The following RHOJ variants were observed in gnomAD, a reference collection of about 807,000 sequenced individuals.
The protein encoded by RHOJ is rho-related GTP-binding protein RhoJ.
A neutral mutation model predicts 23.4 loss-of-function variants in RHOJ; 11 were observed. The observed-to-expected ratio is 0.47, with a 90% CI of 0.30 to 0.78. The LOEUF (loss-of-function observed/expected upper bound fraction) is 0.78, where lower values mean the gene tolerates loss of function less well. Among genes scored for constraint, RHOJ ranks in the 30% least tolerant of loss-of-function variants. The pLI is 0.08. For missense variants in RHOJ, 254 were observed against 273.4 expected, an observed-to-expected ratio of 0.93 and a Z score of 0.50; for synonymous variants, 102 against 102.7, an observed-to-expected ratio of 0.99 and a Z score of 0.04.
intron 2 of RHOJ, among the ~76,000 whole-genome samples, chr14:63,278,292 C>T (rs1361003003): frequency 6.6e-6 from 1 of 152,164 alleles, no homozygotes. Flanking sequence ...GTTCTGCATA[C>T]TCTGAGTAGC....
chr14:63,240,259 G>A (rs1300977550), intron 1 of RHOJ, among the ~76,000 whole-genome samples: 1 of 152,164 alleles, frequency 6.6e-6, no homozygotes, highest in Non-Finnish European at 1.5e-5. Context: ...AAGTGTAGTT[G>A]TATCTACAAG....
At chr14:63,258,019 G>C (rs1022333919) in intron 1 of RHOJ, among the ~76,000 whole-genome samples, 13 of 149,492 alleles carry the variant, frequency 8.7e-5, no homozygotes, top group Non-Finnish European at 1.8e-4. Context: ...CTGAGGTCAG[G>C]AGTTCAAGAC....
At chr14:63,284,888 C>T (rs1339968338) in intron 4 of RHOJ, among the ~76,000 whole-genome samples, 1 of 152,092 alleles carries the variant, frequency 6.6e-6, no homozygotes, top group African/African-American at 2.4e-5. Context: ...TCGTTTCATA[C>T]TTATTTTTGG....
rs1182478230 is a variant in RHOJ at position 63,281,209 on chromosome 14, C to G, written c.402+74C>G. The G allele has an allele frequency of 3.6e-6, 5 of 1,406,892 alleles. No individual in the cohort carries two copies. The African/African-American group carries it at 7.2e-5, about 20-fold the overall frequency. 87.2% of individuals were successfully genotyped at this position (1,406,892 alleles called of 1,614,324 possible). A position where few individuals can be genotyped will look rare whatever the true frequency, so the allele number is the denominator to read the frequency against. On this transcript the variant is annotated intron_variant, in intron 3 of 4. Coordinates refer to ENST00000316754, the MANE Select transcript of RHOJ (RefSeq NM_020663.5). ...GACCCTTTAGGTACCTCGTGAACAT[C>G]CTATTCTGCCAAACGCTATGGAAGT...
chr14:63,219,658 A>G (rs1253298180), intron 1 of RHOJ, among the ~76,000 whole-genome samples: 1 of 152,146 alleles, frequency 6.6e-6, no homozygotes, highest in Non-Finnish European at 1.5e-5. Context: ...TCTACTAAAA[A>G]TACAAAACTT....
At chr14:63,263,559 G>C (rs1259277202) in intron 1 of RHOJ, among the ~76,000 whole-genome samples, 1 of 152,086 alleles carries the variant, frequency 6.6e-6, no homozygotes, top group Non-Finnish European at 1.5e-5. Context: ...AAAAGTTAAG[G>C]GCACAAGCTC....
At chr14:63,243,682 T>A (rs1264036801) in intron 1 of RHOJ, among the ~76,000 whole-genome samples, 3 of 152,086 alleles carry the variant, frequency 2.0e-5, no homozygotes, top group Non-Finnish European at 4.4e-5. Flanking sequence ...GTTAACCCCA[T>A]GACCAACACC....
intron 1 of RHOJ, among the ~76,000 whole-genome samples, chr14:63,227,558 A>G (rs758967625): frequency 3.9e-5 from 6 of 152,226 alleles, no homozygotes; most frequent in Non-Finnish European, 5.9e-5. Context: ...AAATCTAAAG[A>G]ACACAAAAAG....
chr14:63,252,906 C>T (rs1377909059), intron 1 of RHOJ, among the ~76,000 whole-genome samples: 6 of 152,188 alleles, frequency 3.9e-5, no homozygotes, highest in African/African-American at 1.4e-4. Context: ...AGCCTCCACA[C>T]CTGATAGAAG....
chr14:63,287,324 A>G (rs1882114045), intron 4 of RHOJ, among the ~76,000 whole-genome samples: 1 of 152,236 alleles, frequency 6.6e-6, no homozygotes, highest in Non-Finnish European at 1.5e-5. Flanking sequence ...CTCTCTGGGT[A>G]TCAGTTTCCT....
intron 3 of RHOJ, 117 bp downstream of exon 3, chr14:63,281,252 A>T: frequency 1.0e-6 from 1 of 989,652 alleles, no homozygotes. Flanking sequence ...AGACATGTCA[A>T]TCCTATGAAC....
intron 1 of RHOJ, among the ~76,000 whole-genome samples, chr14:63,230,272 T>C (rs531986670): frequency 3.9e-5 from 6 of 152,260 alleles, no homozygotes; most frequent in Admixed American, 1.3e-4. Flanking sequence ...CCTACTTCAG[T>C]AGTGGAGTCC....
chr14:63,226,497 CATAA>C (rs1415527659), intron 1 of RHOJ, among the ~76,000 whole-genome samples: 1 of 150,932 alleles, frequency 6.6e-6, no homozygotes, highest in East Asian at 1.9e-4. Flanking sequence ...CCAGATGTAA[CATAA>C]ATAGTTTAAA....
chr14:63,286,759 T>A (rs1882095775), intron 4 of RHOJ, among the ~76,000 whole-genome samples: 1 of 152,318 alleles, frequency 6.6e-6, no homozygotes, highest in African/African-American at 2.4e-5. Flanking sequence ...CCACTCCATA[T>A]TATCCTATAC....
At chr14:63,211,336 A>G (rs1894233192) in intron 1 of RHOJ, among the ~76,000 whole-genome samples, 2 of 152,170 alleles carry the variant, frequency 1.3e-5, no homozygotes, top group African/African-American at 2.4e-5. Flanking sequence ...AGAGTCTCTC[A>G]TATCTGTAAT....
chr14:63,247,070 T>G (rs1290653097), intron 1 of RHOJ, among the ~76,000 whole-genome samples: 2 of 152,196 alleles, frequency 1.3e-5, no homozygotes, highest in African/African-American at 4.8e-5. Flanking sequence ...CAGAAAGACA[T>G]GGAGCTAGGC....
chr14:63,271,805 C>T (rs1031614945), intron 2 of RHOJ, among the ~76,000 whole-genome samples: 4 of 152,130 alleles, frequency 2.6e-5, no homozygotes, highest in African/African-American at 9.7e-5. Context: ...ACCATGTTGC[C>T]CAGGCTCGTC....
At chr14:63,241,127 TC>T (rs1275048643) in intron 1 of RHOJ, among the ~76,000 whole-genome samples, 3 of 152,216 alleles carry the variant, frequency 2.0e-5, no homozygotes, top group Admixed American at 1.3e-4. Flanking sequence ...AAAATGCTGC[TC>T]AGGGAAAAGT....
chr14:63,281,276 G>T, intron 3 of RHOJ, 141 bp downstream of exon 3: 1 of 768,720 alleles, frequency 1.3e-6, no homozygotes. Context: ...AGTTCTTAAG[G>T]TGTGCGTGAT....
Sources: gnomAD v4.1 joint callset for allele counts (sites outside exome capture counted in the v4.1 genomes callset) on GRCh38, gnomAD v4.1.1 for gene constraint, MANE v1.5 for transcripts, NCBI Gene and HGNC (gene_info 2026-07-23, HGNC 2026-07-21) for gene names.